The following PCDHA13 variants were observed in gnomAD, a reference collection of about 807,000 sequenced individuals.
The protein encoded by PCDHA13 is protocadherin alpha-13.
A neutral mutation model predicts 64.8 loss-of-function variants in PCDHA13; 54 were observed. The ratio of observed to expected loss-of-function variants is 0.83; its 90% confidence interval spans 0.67 to 1.04. The LOEUF (loss-of-function observed/expected upper bound fraction) is 1.04. Among genes scored for constraint, PCDHA13 ranks in the 50% least tolerant of loss-of-function variants. PCDHA13 has a pLI of 0.00. For missense variants in PCDHA13, 1,248 were observed against 1,254.3 expected (o/e 0.99, Z 0.08); for synonymous variants, 587 against 564.4 (o/e 1.04, Z -0.57).
At chr5:140,910,679 A>G (rs1554194364) in intron 1 of PCDHA13, among the ~76,000 whole-genome samples, 1 of 152,208 alleles carries the variant, frequency 6.6e-6, no homozygotes, top group East Asian at 1.9e-4. Context: ...AAGGGAGATC[A>G]GGCATTTCCA....
intron 3 of PCDHA13, among the ~76,000 whole-genome samples, chr5:140,997,525 A>G (rs1293979369): frequency 6.6e-6 from 1 of 152,242 alleles, no homozygotes; most frequent in African/African-American, 2.4e-5. Flanking sequence ...AAAAAGTACA[A>G]TAAAAATACA....
chr5:140,885,566 G>T (rs190303990), intron 1 of PCDHA13, among the ~76,000 whole-genome samples: 3 of 152,162 alleles, frequency 2.0e-5, no homozygotes, highest in South Asian at 4.2e-4. Flanking sequence ...GAAATTGATT[G>T]TCAGATGTGG....
intron 1 of PCDHA13, among the ~76,000 whole-genome samples, chr5:140,952,031 A>G (rs782611414): frequency 1.6e-4 from 24 of 152,232 alleles, no homozygotes; most frequent in Admixed American, 4.6e-4. Context: ...TCCGAAATCC[A>G]GTAGGGCAGT....
chr5:141,000,776 G>A (rs1455881211), intron 3 of PCDHA13, among the ~76,000 whole-genome samples: 1 of 151,562 alleles, frequency 6.6e-6, no homozygotes, highest in Non-Finnish European at 1.5e-5. Context: ...GCATAGTGGC[G>A]CACACCTGTA....
At chr5:140,983,142 CTTGGCATGCATG>C (rs1316699573) in intron 3 of PCDHA13, among the ~76,000 whole-genome samples, 4 of 152,212 alleles carry the variant, frequency 2.6e-5, no homozygotes, top group Admixed American at 6.5e-5. Flanking sequence ...CTTTTAGTGC[CTTGGCATGCATG>C]TTGCCAAACA....
Position 140,929,131 on chromosome 5 carries a change from G to A in PCDHA13, c.2394+44469G>A, listed in dbSNP as rs782040825. ...ATCAGCCACCATAGATGTCACTACA[G>A]TTGAGAGACTTTCTCAGACTTATCT... On this transcript the variant is annotated intron_variant, in intron 1 of 3. Coordinates refer to ENST00000289272, the MANE Select transcript of PCDHA13 (RefSeq NM_018904.3). 5.0e-6 allele frequency: 8 copies of A among 1,614,036 alleles called. No homozygotes were observed. The East Asian group carries it at 6.7e-5, about 13-fold the overall frequency.
intron 1 of PCDHA13, among the ~76,000 whole-genome samples, chr5:140,913,413 G>A (rs976186231): frequency 3.3e-5 from 5 of 152,050 alleles, no homozygotes; most frequent in Non-Finnish European, 5.9e-5. Flanking sequence ...TTGAATTCCT[G>A]CAGTATCAGT....
intron 1 of PCDHA13, among the ~76,000 whole-genome samples, chr5:140,952,338 CAAAA>C (rs55931446): frequency 9.9e-4 from 134 of 134,976 alleles, no homozygotes; most frequent in Admixed American, 2.2e-3. Context: ...AACTCCATCT[CAAAA>C]AAAAAAAAAA....
At chr5:140,967,029 G>C (rs1554229079) in intron 1 of PCDHA13, 4 of 1,608,938 alleles carry the variant, frequency 2.5e-6, no homozygotes, top group East Asian at 2.2e-5. Flanking sequence ...CCCAGTCCGC[G>C]CTACCTGGAG....
chr5:140,980,294 A>G (rs1325974235), intron 2 of PCDHA13, among the ~76,000 whole-genome samples: 1 of 152,234 alleles, frequency 6.6e-6, no homozygotes, highest in Non-Finnish European at 1.5e-5. Context: ...TACCAAAGCT[A>G]TGAGTTGTGC....
intron 3 of PCDHA13, among the ~76,000 whole-genome samples, chr5:140,988,127 C>T (rs1285717954): frequency 2.0e-5 from 3 of 152,120 alleles, no homozygotes; most frequent in African/African-American, 7.2e-5. Flanking sequence ...GCATGCTGTT[C>T]CACTAACCTG....
rs2096268798 is a variant in PCDHA13 at position 140,968,765 on chromosome 5, G to A, written c.2395-10184G>A. 8.1e-6 allele frequency: 13 copies of A among 1,614,078 alleles called. No homozygotes were observed. The East Asian group carries it at 2.2e-4, about 28-fold the overall frequency. On this transcript the variant is annotated intron_variant, in intron 1 of 3. Transcript: ENST00000289272. Reference sequence around the variant, plus strand: ...GACCGTGGTGGTCCGAGATAATGGAGAGCCATCACTATCAGCCTCTGTGGC... The same window carrying A: ...GACCGTGGTGGTCCGAGATAATGGAAAGCCATCACTATCAGCCTCTGTGGC...
rs145968482 is a variant in PCDHA13, at chr5:140,977,336, C to G, written c.2395-1613C>G. Among the ~76,000 whole-genome samples, 133 of 152,262 alleles carry G rather than the reference C, an allele frequency of 8.7e-4. 2 individuals carry two copies. The highest frequency in any genetic ancestry group is 3.9e-4 in the East Asian group (2 of 5,188). On this transcript the variant is annotated intron_variant, in intron 1 of 3. Coordinates refer to ENST00000289272, the MANE Select transcript of PCDHA13 (RefSeq NM_018904.3). Reference sequence around the variant, plus strand: ...GTGCTCCTGATGGCGAGGGGAGAGACGGTGATGATGACTGATTGATAAAAA... The same window carrying G: ...GTGCTCCTGATGGCGAGGGGAGAGAGGGTGATGATGACTGATTGATAAAAA...
At chr5:140,922,548 G>T (rs2080883425) in intron 1 of PCDHA13, among the ~76,000 whole-genome samples, 2 of 152,172 alleles carry the variant, frequency 1.3e-5, no homozygotes, top group Non-Finnish European at 2.9e-5. Flanking sequence ...GCAAGGTAAG[G>T]AGAAAAGTCA....
At chr5:140,969,702 C>A (rs1305755991) in intron 1 of PCDHA13, among the ~76,000 whole-genome samples, 1 of 152,144 alleles carries the variant, frequency 6.6e-6, no homozygotes, top group African/African-American at 2.4e-5. Context: ...TCTGCTGTAT[C>A]ATCTACAGGG....
intron 1 of PCDHA13, chr5:140,927,342 T>C: frequency 6.2e-7 from 1 of 1,614,160 alleles, no homozygotes; most frequent in Non-Finnish European, 8.5e-7. Context: ...ATGCCCAAGA[T>C]GACGACGAGG....
At chr5:140,918,097 A>C (rs193088313) in intron 1 of PCDHA13, among the ~76,000 whole-genome samples, 2 of 152,192 alleles carry the variant, frequency 1.3e-5, no homozygotes, top group Non-Finnish European at 2.9e-5. Flanking sequence ...CTTTTTATAG[A>C]GATCTTTCAC....
At chr5:140,972,500 T>C (rs1554234162) in intron 1 of PCDHA13, among the ~76,000 whole-genome samples, 1 of 152,108 alleles carries the variant, frequency 6.6e-6, no homozygotes, top group Non-Finnish European at 1.5e-5. Flanking sequence ...AATCTGTTGG[T>C]AGATTTTACC....
At position 140,927,469 on chromosome 5, in the gene PCDHA13, C is replaced by G. The variant is rs17844359; in HGVS notation, c.2394+42807C>G. ...GTTGGTGTTGGAGAAAGCACTGGATCGCGAACAGCGCGCCACCCACCTGCT... is the reference window on the plus strand; with the variant it reads ...GTTGGTGTTGGAGAAAGCACTGGATGGCGAACAGCGCGCCACCCACCTGCT... On this transcript the variant is annotated intron_variant, in intron 1 of 3. Transcript: ENST00000289272. 39 of 1,613,964 alleles carry G rather than the reference C, an allele frequency of 2.4e-5. No individual in the cohort carries two copies. The highest frequency in any genetic ancestry group is 1.3e-4 in the South Asian group (12 of 91,094).
Sources: allele counts gnomAD v4.1 joint callset (sites outside exome capture counted in the v4.1 genomes callset), GRCh38; gene constraint gnomAD v4.1.1; transcripts MANE v1.5; gene names NCBI Gene and HGNC (gene_info 2026-07-23, HGNC 2026-07-21).